LINGO2: variants seen among roughly 807,000 people sequenced by gnomAD.
The protein encoded by LINGO2 is leucine-rich repeat and immunoglobulin-like domain-containing nogo receptor-interacting protein 2.
Under a neutral mutation model 30.6 loss-of-function variants are expected in LINGO2, and 14 were observed. That is an observed-to-expected ratio of 0.46 (90% CI 0.30 to 0.72). LINGO2 has a LOEUF of 0.72. Ranked by LOEUF, LINGO2 falls within the 30% of genes least tolerant of loss-of-function variation. The pLI is 0.07. For missense variants in LINGO2, 729 were observed against 751.7 expected (o/e 0.97, Z 0.35); for synonymous variants, 317 against 288.5 (o/e 1.10, Z -1.00).
chr9:28,611,349 T>TTGTG (rs34606835), intron 1 of LINGO2, among the ~76,000 whole-genome samples: 140 of 149,454 alleles, frequency 9.4e-4, no homozygotes, highest in South Asian at 4.1e-3. Flanking sequence ...ATGTTAACAT[T>TTGTG]TGTGTGTGTG....
chr9:28,581,237 G>A (rs1360531549), intron 1 of LINGO2, among the ~76,000 whole-genome samples: 2 of 151,710 alleles, frequency 1.3e-5, no homozygotes, highest in African/African-American at 2.4e-5. Context: ...GTGCATTTGT[G>A]TGCCTCTGTG....
chr9:28,433,568 G>A (rs1037200938), intron 2 of LINGO2, among the ~76,000 whole-genome samples: 1 of 151,936 alleles, frequency 6.6e-6, no homozygotes, highest in African/African-American at 2.4e-5. Flanking sequence ...ATCTGGATAT[G>A]GTCACAATGA....
chr9:28,319,325 T>A (rs1432353870), intron 3 of LINGO2, among the ~76,000 whole-genome samples: 2 of 152,208 alleles, frequency 1.3e-5, no homozygotes, highest in Non-Finnish European at 2.9e-5. Context: ...CTCTGCTCCT[T>A]CTTTCATCTA....
chr9:29,052,345 T>C, the LINGO2 span, among the ~76,000 whole-genome samples: 1 of 152,206 alleles, frequency 6.6e-6, no homozygotes, highest in Non-Finnish European at 1.5e-5. Flanking sequence ...AGATCATTGC[T>C]GCTATAGAAC....
chr9:29,023,131 A>G, the LINGO2 span, among the ~76,000 whole-genome samples: 8 of 152,166 alleles, frequency 5.3e-5, no homozygotes, highest in Non-Finnish European at 1.2e-4. Context: ...CTTCACCCAG[A>G]GAGACCTGGA....
the LINGO2 span, among the ~76,000 whole-genome samples, chr9:29,112,834 T>C: frequency 1.3e-5 from 2 of 152,166 alleles, no homozygotes; most frequent in African/African-American, 4.8e-5. Context: ...AACACACTCA[T>C]ATATTATTCA....
chr9:28,350,409 T>C (rs1183625013), intron 3 of LINGO2, among the ~76,000 whole-genome samples: 5 of 148,994 alleles, frequency 3.4e-5, no homozygotes, highest in African/African-American at 9.9e-5. Context: ...AAGAAGGCCA[T>C]TACATAATGG....
chr9:28,353,451 A>C (rs912643841), intron 3 of LINGO2, among the ~76,000 whole-genome samples: 56 of 151,978 alleles, frequency 3.7e-4, no homozygotes, highest in African/African-American at 1.3e-3. Context: ...AACCACAATG[A>C]GATACCATCT....
chr9:28,260,196 A>G (rs950708485), intron 4 of LINGO2, among the ~76,000 whole-genome samples: 9 of 151,848 alleles, frequency 5.9e-5, no homozygotes, highest in African/African-American at 1.9e-4. Context: ...CCATATATAC[A>G]AAGGATACTA....
At chr9:28,736,796 A>G in the LINGO2 span, among the ~76,000 whole-genome samples, 1 of 152,178 alleles carries the variant, frequency 6.6e-6, no homozygotes, top group African/African-American at 2.4e-5. Context: ...ATCACAAAAT[A>G]AATACATACA....
At chr9:28,355,333 G>GTC (rs372527860) in intron 3 of LINGO2, among the ~76,000 whole-genome samples, 218 of 63,760 alleles carry the variant, frequency 3.4e-3, no homozygotes, top group East Asian at 0.01. Context: ...CTCTGTCTCT[G>GTC]TCTCTCTCTC....
the LINGO2 span, among the ~76,000 whole-genome samples, chr9:29,188,963 AC>A: frequency 8.4e-6 from 1 of 118,576 alleles, no homozygotes; most frequent in Non-Finnish European, 1.8e-5. Flanking sequence ...CGGGGGGCTG[AC>A]CCCCCCACCT....
chr9:29,012,854 T>C, the LINGO2 span, among the ~76,000 whole-genome samples: 1 of 151,836 alleles, frequency 6.6e-6, no homozygotes. Context: ...TACCCATTAG[T>C]AGACTTTGAT....
chr9:28,008,005 C>A (rs1822352377), intron 5 of LINGO2, among the ~76,000 whole-genome samples: 1 of 152,112 alleles, frequency 6.6e-6, no homozygotes. Flanking sequence ...GTGAAGATGA[C>A]CAGCGCATGT....
At chr9:28,530,466 C>T (rs1157545633) in intron 1 of LINGO2, among the ~76,000 whole-genome samples, 1 of 152,062 alleles carries the variant, frequency 6.6e-6, no homozygotes, top group Non-Finnish European at 1.5e-5. Context: ...CATTAATATG[C>T]TAATTTGCCC....
chr9:28,053,633 C>T (rs749879808), intron 4 of LINGO2, among the ~76,000 whole-genome samples: 3 of 151,944 alleles, frequency 2.0e-5, no homozygotes, highest in South Asian at 4.2e-4. Flanking sequence ...TGGTTCTTAG[C>T]GCTGGTTGCA....
intron 2 of LINGO2, among the ~76,000 whole-genome samples, chr9:28,417,948 T>G (rs1823032311): frequency 1.3e-5 from 2 of 152,170 alleles, no homozygotes; most frequent in Admixed American, 1.3e-4. Flanking sequence ...CAGAAAACTC[T>G]AATCATTAAC....
At chr9:28,105,523 T>A (rs1210724422) in intron 4 of LINGO2, among the ~76,000 whole-genome samples, 1 of 152,122 alleles carries the variant, frequency 6.6e-6, no homozygotes, top group Non-Finnish European at 1.5e-5. Flanking sequence ...ATAAGGTGAT[T>A]AAATGTAGGA....
At chr9:27,944,690 T>C (rs894320372), downstream of LINGO2, among the ~76,000 whole-genome samples, 14 of 152,090 alleles carry the variant, frequency 9.2e-5, no homozygotes, top group African/African-American at 3.4e-4. Flanking sequence ...AGGCACATGA[T>C]GTATGAGTCT....
Sources: allele counts gnomAD v4.1 joint callset (sites outside exome capture counted in the v4.1 genomes callset), GRCh38; gene constraint gnomAD v4.1.1; transcripts MANE v1.5; gene names NCBI Gene and HGNC (gene_info 2026-07-23, HGNC 2026-07-21).